MCC: variants seen among roughly 807,000 people sequenced by gnomAD.
MCC encodes the protein MCC regulator of Wnt signaling pathway.
In MCC, 90 loss-of-function variants were observed where a neutral mutation model predicts 116.2. The ratio of observed to expected loss-of-function variants is 0.77; its 90% confidence interval spans 0.65 to 0.92. The LOEUF is 0.92. MCC is among the 40% of genes least tolerant of loss of function. The pLI is 0.00. For missense variants in MCC, 1,516 were observed against 1,312.2 expected, an observed-to-expected ratio of 1.16 and a Z score of -2.40; for synonymous variants, 578 against 510.5, an observed-to-expected ratio of 1.13 and a Z score of -1.78.
intron 14 of MCC, among the ~76,000 whole-genome samples, chr5:113,061,316 T>C (rs997208943): frequency 6.6e-6 from 1 of 152,206 alleles, no homozygotes; most frequent in Admixed American, 6.5e-5. Context: ...TTGGCCACAG[T>C]TCCTTTGTGG....
At chr5:113,288,270 C>A (rs1352387700) in intron 3 of MCC, among the ~76,000 whole-genome samples, 23 of 152,238 alleles carry the variant, frequency 1.5e-4, no homozygotes, top group Non-Finnish European at 1.2e-4. Context: ...GTAGAAGGAA[C>A]TTAAAGCCCT....
intron 1 of MCC, among the ~76,000 whole-genome samples, chr5:113,404,774 C>A (rs1477696293): frequency 2.6e-5 from 4 of 151,688 alleles, no homozygotes; most frequent in Non-Finnish European, 5.9e-5. Flanking sequence ...AATAACAAAG[C>A]AGCTCTGTAT....
intron 3 of MCC, among the ~76,000 whole-genome samples, chr5:113,311,124 G>A (rs929515760): frequency 1.3e-4 from 20 of 152,116 alleles, no homozygotes; most frequent in African/African-American, 4.8e-4. Flanking sequence ...AGCAAGACCT[G>A]TCTCTTAAAA....
At chr5:113,159,637 A>T (rs1261218650) in intron 3 of MCC, among the ~76,000 whole-genome samples, 3 of 152,160 alleles carry the variant, frequency 2.0e-5, no homozygotes, top group Non-Finnish European at 4.4e-5. Context: ...CACATGAAAA[A>T]GCCTCATTCA....
At chr5:113,484,171 T>A (rs1772454452) in intron 1 of MCC, among the ~76,000 whole-genome samples, 1 of 152,072 alleles carries the variant, frequency 6.6e-6, no homozygotes, top group African/African-American at 2.4e-5. Context: ...TTAGTACCCA[T>A]AACTAATGGG....
At chr5:113,239,936 T>A (rs1004276474) in intron 3 of MCC, among the ~76,000 whole-genome samples, 1 of 152,168 alleles carries the variant, frequency 6.6e-6, no homozygotes, top group Admixed American at 6.5e-5. Flanking sequence ...CACACAGAGC[T>A]CAGGTTGAGC....
chr5:113,296,441 AGAT>A (rs1246431482), intron 3 of MCC, among the ~76,000 whole-genome samples: 1 of 152,198 alleles, frequency 6.6e-6, no homozygotes, highest in Non-Finnish European at 1.5e-5. Flanking sequence ...TCTGGAGAGA[AGAT>A]TCTGTGAAGG....
chr5:113,400,804 G>C (rs1769662680), intron 1 of MCC, among the ~76,000 whole-genome samples: 2 of 152,208 alleles, frequency 1.3e-5, no homozygotes, highest in Admixed American at 6.5e-5. Flanking sequence ...AATGAACAAA[G>C]AGCACCTTTT....
At chr5:113,324,696 T>C (rs1040465203) in intron 3 of MCC, among the ~76,000 whole-genome samples, 3 of 152,204 alleles carry the variant, frequency 2.0e-5, no homozygotes, top group Non-Finnish European at 4.4e-5. Context: ...GCACTGGCAA[T>C]CTATCCAAGC....
chr5:113,081,127 T>C (rs1247197528), intron 11 of MCC, among the ~76,000 whole-genome samples: 4 of 152,282 alleles, frequency 2.6e-5, no homozygotes, highest in South Asian at 2.1e-4. Context: ...TTGAGAGTAA[T>C]AGGCCTCCAA....
chr5:113,157,560 T>C (rs1300251982), intron 3 of MCC, among the ~76,000 whole-genome samples: 1 of 152,234 alleles, frequency 6.6e-6, no homozygotes, highest in Non-Finnish European at 1.5e-5. Flanking sequence ...TGGGCCAGTC[T>C]TCCCGGCTTT....
At chr5:113,120,809 C>T (rs1757692257) in intron 6 of MCC, among the ~76,000 whole-genome samples, 2 of 152,228 alleles carry the variant, frequency 1.3e-5, no homozygotes, top group South Asian at 2.1e-4. Flanking sequence ...TGTCTCCCAG[C>T]TGCTTTTCTT....
At chr5:113,231,023 G>A (rs1763921362) in intron 3 of MCC, among the ~76,000 whole-genome samples, 1 of 152,102 alleles carries the variant, frequency 6.6e-6, no homozygotes, top group South Asian at 2.1e-4. Context: ...ATATACTGCA[G>A]TCAAAAATTT....
rs149550477 is a variant in MCC at position 113,277,615 on chromosome 5, G to C, written c.627+62904C>G. 3.1e-4 allele frequency among the ~76,000 whole-genome samples: 47 copies of C among 152,268 alleles called. No homozygotes were observed. In the East Asian group the frequency reaches 9.1e-3, roughly 29 times the overall value. On this transcript the variant is annotated intron_variant, in intron 3 of 18. Coordinates refer to ENST00000408903, the MANE Select transcript of MCC (RefSeq NM_001085377.2). ...GACTTAAAAAGCACGGTCTGCTTTAGTTATAATGGCAGATTCTGAACTATA... is the reference window on the plus strand; with the variant it reads ...GACTTAAAAAGCACGGTCTGCTTTACTTATAATGGCAGATTCTGAACTATA...
intron 3 of MCC, among the ~76,000 whole-genome samples, chr5:113,302,195 ACATTACCAC>A (rs2078257957): frequency 6.6e-6 from 1 of 152,234 alleles, no homozygotes; most frequent in South Asian, 2.1e-4. Context: ...ATGGAAGAAA[ACATTACCAC>A]CTACAGAGCC....
chr5:113,326,289 A>C (rs1767550862), intron 3 of MCC, among the ~76,000 whole-genome samples: 1 of 152,214 alleles, frequency 6.6e-6, no homozygotes, highest in Non-Finnish European at 1.5e-5. Flanking sequence ...TTTATGTATC[A>C]TTTGGGTGCT....
chr5:113,433,744 C>T (rs1181613335), intron 1 of MCC: 2 of 1,611,594 alleles, frequency 1.2e-6, no homozygotes, highest in South Asian at 2.2e-5. Context: ...GCTCACTGGG[C>T]CCGCGTCTCT....
intron 3 of MCC, among the ~76,000 whole-genome samples, chr5:113,209,757 C>T (rs1412710925): frequency 1.3e-5 from 2 of 152,128 alleles, no homozygotes; most frequent in South Asian, 2.1e-4. Context: ...TACAGGGAAT[C>T]GTGTACTTCC....
At chr5:113,374,321 T>A (rs143949937) in intron 2 of MCC, among the ~76,000 whole-genome samples, 1 of 152,094 alleles carries the variant, frequency 6.6e-6, no homozygotes, top group Non-Finnish European at 1.5e-5. Flanking sequence ...TGTTCCTTGA[T>A]CCTGATGGAC....
Sources: gnomAD v4.1 joint callset for allele counts (sites outside exome capture counted in the v4.1 genomes callset) on GRCh38, gnomAD v4.1.1 for gene constraint, MANE v1.5 for transcripts, NCBI Gene and HGNC (gene_info 2026-07-23, HGNC 2026-07-21) for gene names.